CNTNAP2: variants seen among roughly 807,000 people sequenced by gnomAD.
CNTNAP2 encodes contactin-associated protein-like 2.
Under a neutral mutation model 155.2 loss-of-function variants are expected in CNTNAP2, and 98 were observed. The ratio of observed to expected loss-of-function variants is 0.63; its 90% CI spans 0.54 to 0.75. The LOEUF (loss-of-function observed/expected upper bound fraction) is 0.75, where lower values mean the gene tolerates loss of function less well. Among genes scored for constraint, CNTNAP2 ranks in the 30% least tolerant of loss-of-function variants. The probability of loss-of-function intolerance (pLI) is 0.00; values close to 1 mark genes in which losing one functional copy is unlikely to be tolerated. For synonymous variants in CNTNAP2, 651 were observed against 631.2 expected, an observed-to-expected ratio of 1.03 and a Z score of -0.47; for missense variants, 1,727 against 1,688.1, an observed-to-expected ratio of 1.02 and a Z score of -0.40.
intron 1 of CNTNAP2, among the ~76,000 whole-genome samples, chr7:146,395,531 G>A (rs923220369): frequency 1.3e-5 from 2 of 152,042 alleles, no homozygotes; most frequent in Non-Finnish European, 2.9e-5. Context: ...TTAGAAATAG[G>A]CACTAAATAG....
intron 15 of CNTNAP2, among the ~76,000 whole-genome samples, chr7:148,035,139 TAAA>T (rs1361009948): frequency 6.6e-6 from 1 of 152,166 alleles, no homozygotes; most frequent in African/African-American, 2.4e-5. Context: ...AACTTATAAT[TAAA>T]AAAGAAGTAG....
At chr7:147,920,898 C>G (rs546751008) in intron 14 of CNTNAP2, among the ~76,000 whole-genome samples, 5 of 149,918 alleles carry the variant, frequency 3.3e-5, no homozygotes, top group African/African-American at 9.9e-5. Context: ...CAAGCTCTGC[C>G]TCCCGGGTTC....
At chr7:147,076,596 T>G (rs1466106316) in intron 4 of CNTNAP2, among the ~76,000 whole-genome samples, 5 of 152,208 alleles carry the variant, frequency 3.3e-5, no homozygotes, top group Non-Finnish European at 7.3e-5. Flanking sequence ...GTTATGACTT[T>G]CAAAGCAATT....
chr7:146,837,965 G>A (rs1803650074), intron 2 of CNTNAP2, among the ~76,000 whole-genome samples: 1 of 152,146 alleles, frequency 6.6e-6, no homozygotes, highest in African/African-American at 2.4e-5. Context: ...GTGCAGTCTT[G>A]ATCTAAAAGT....
intron 8 of CNTNAP2, among the ~76,000 whole-genome samples, chr7:147,159,109 A>G (rs541568761): frequency 5.9e-5 from 9 of 152,192 alleles, no homozygotes; most frequent in African/African-American, 2.2e-4. Context: ...TTGACAAGGT[A>G]TGAAACTGCA....
chr7:147,476,563 A>G (rs999205585), intron 10 of CNTNAP2, among the ~76,000 whole-genome samples: 1 of 151,920 alleles, frequency 6.6e-6, no homozygotes, highest in Non-Finnish European at 1.5e-5. Context: ...ATCTCACTAT[A>G]TACTCTCTCT....
intron 1 of CNTNAP2, among the ~76,000 whole-genome samples, chr7:146,213,357 T>G (rs1043855206): frequency 6.6e-6 from 1 of 152,118 alleles, no homozygotes; most frequent in African/African-American, 2.4e-5. Flanking sequence ...TGCAGCTGAG[T>G]TAAATATCAT....
chr7:147,264,363 C>G (rs1159342682), intron 8 of CNTNAP2, among the ~76,000 whole-genome samples: 1 of 151,938 alleles, frequency 6.6e-6, no homozygotes, highest in Non-Finnish European at 1.5e-5. Flanking sequence ...AATGCAAATA[C>G]TTAGTGTCAA....
chr7:147,088,010 C>G (rs1203254303), intron 4 of CNTNAP2, among the ~76,000 whole-genome samples: 1 of 152,056 alleles, frequency 6.6e-6, no homozygotes, highest in Non-Finnish European at 1.5e-5. Context: ...AGCCATCAAG[C>G]AGACATGGTC....
At chr7:147,414,295 G>T (rs1396751899) in intron 10 of CNTNAP2, among the ~76,000 whole-genome samples, 1 of 151,924 alleles carries the variant, frequency 6.6e-6, no homozygotes, top group Non-Finnish European at 1.5e-5. Context: ...TCTGTGGCAG[G>T]TGACTGTGAT....
chr7:148,109,190 C>A (rs569704781), intron 15 of CNTNAP2, among the ~76,000 whole-genome samples: 1 of 152,108 alleles, frequency 6.6e-6, no homozygotes, highest in Non-Finnish European at 1.5e-5. Flanking sequence ...TTGTTTTGTG[C>A]CTAGCACTCT....
chr7:146,746,918 ATTATC>A lies in CNTNAP2; in HGVS notation c.98-27350_98-27346del, dbSNP rs1801818381. 2.7e-5 allele frequency among the ~76,000 whole-genome samples: 4 copies of A among 149,372 alleles called. No individual in the cohort carries two copies. In the South Asian group the frequency reaches 8.3e-4, roughly 31 times the overall value. The stretch of plus-strand genomic sequence containing the variant: ...CCTAGCAACAAAGAAGTTTTTTCCT[ATTATC>A]TTTTTTCCATATTTGGGGATATTTC... On this transcript the variant is annotated intron_variant, in intron 1 of 23. Coordinates refer to ENST00000361727, the MANE Select transcript of CNTNAP2 (RefSeq NM_014141.6).
intron 3 of CNTNAP2, among the ~76,000 whole-genome samples, chr7:146,972,343 A>C (rs902408305): frequency 6.6e-6 from 1 of 152,188 alleles, no homozygotes; most frequent in Non-Finnish European, 1.5e-5. Context: ...AATTAAAATC[A>C]ATACAGAGGA....
At chr7:146,519,520 G>C (rs1356334852) in intron 1 of CNTNAP2, among the ~76,000 whole-genome samples, 2 of 151,940 alleles carry the variant, frequency 1.3e-5, no homozygotes, top group Non-Finnish European at 2.9e-5. Context: ...GTACTGGACT[G>C]AGGCATTCAC....
intron 15 of CNTNAP2, among the ~76,000 whole-genome samples, chr7:148,108,817 T>G (rs958870563): frequency 3.3e-5 from 5 of 152,342 alleles, no homozygotes; most frequent in African/African-American, 1.2e-4. Flanking sequence ...TCACAATTGC[T>G]AAGGATGAAT....
chr7:147,711,359 G>T (rs1343005354), intron 13 of CNTNAP2, among the ~76,000 whole-genome samples: 2 of 152,160 alleles, frequency 1.3e-5, no homozygotes, highest in Admixed American at 6.5e-5. Flanking sequence ...GAGAGCTCAT[G>T]CATACATGAG....
intron 18 of CNTNAP2, among the ~76,000 whole-genome samples, chr7:148,178,451 C>T (rs961565741): frequency 9.2e-5 from 14 of 152,184 alleles, no homozygotes; most frequent in African/African-American, 3.4e-4. Context: ...CATTTACAGT[C>T]ACACAAATAA....
chr7:146,731,695 G>A lies in CNTNAP2; in HGVS notation c.98-42576G>A, dbSNP rs115545806. Among the ~76,000 whole-genome samples the A allele has an allele frequency of 8.5e-3, 1,287 of 152,128 alleles. 22 individuals are homozygous for A. Among genetic ancestry groups the A allele is most frequent in the African/African-American group, 0.029 (1,200 of 41,492 alleles). On this transcript the variant is annotated intron_variant, in intron 1 of 23. Transcript: ENST00000361727. ...TCTTTCAAGAAACTTAAAACAGCAC[G>A]GATAGAAGTGTGTTTTTAACGTATA...
At chr7:148,105,640 C>T (rs139774044) in intron 15 of CNTNAP2, among the ~76,000 whole-genome samples, 8,516 of 151,076 alleles carry the variant, frequency 0.056, 549 homozygotes, top group African/African-American at 0.16. Flanking sequence ...CAGGCTGGAG[C>T]GCAATGGCAC....
Sources: allele counts gnomAD v4.1 joint callset (sites outside exome capture counted in the v4.1 genomes callset), GRCh38; gene constraint gnomAD v4.1.1; transcripts MANE v1.5; gene names NCBI Gene and HGNC (gene_info 2026-07-23, HGNC 2026-07-21).